Variants in LOC400499 observed in about 807,000 individuals in gnomAD.
the LOC400499 span, among the ~76,000 whole-genome samples, chr16:11,455,730 G>A: frequency 8.2e-5 from 9 of 110,010 alleles, no homozygotes; most frequent in African/African-American, 2.8e-4. Context: ...GTAAGACTCC[G>A]TCTCAAAAAA....
chr16:11,460,451 A>G, the LOC400499 span: 1 of 1,509,272 alleles, frequency 6.6e-7, no homozygotes, highest in African/African-American at 1.4e-5. Flanking sequence ...CTCTCTCCGG[A>G]TGTCGCACCT....
the LOC400499 span, among the ~76,000 whole-genome samples, chr16:11,391,056 G>A: frequency 1.3e-5 from 2 of 152,242 alleles, no homozygotes; most frequent in African/African-American, 2.4e-5. Context: ...AGCGCTGGGC[G>A]GAGTCCTGGC....
the LOC400499 span, among the ~76,000 whole-genome samples, chr16:11,382,769 C>T: frequency 6.6e-6 from 1 of 152,064 alleles, no homozygotes; most frequent in Non-Finnish European, 1.5e-5. Context: ...GAGATTGTGC[C>T]ACTGCACTCC....
At chr16:11,461,703 A>G in the LOC400499 span, among the ~76,000 whole-genome samples, 1 of 152,148 alleles carries the variant, frequency 6.6e-6, no homozygotes, top group South Asian at 2.1e-4. Flanking sequence ...CGGGGGGTCC[A>G]CAGCCACTGC....
the LOC400499 span, chr16:11,398,569 C>G: frequency 2.5e-6 from 3 of 1,204,950 alleles, no homozygotes; most frequent in South Asian, 4.2e-5. Flanking sequence ...CCATGGCCAG[C>G]TGCAGTTGGA....
At chr16:11,459,811 C>T in the LOC400499 span, 1 of 1,224,952 alleles carries the variant, frequency 8.2e-7, no homozygotes, top group Non-Finnish European at 1.0e-6. Context: ...GTAGCCAGGG[C>T]CAGAGGGCCA....
chr16:11,383,701 G>A, the LOC400499 span: 2 of 1,232,524 alleles, frequency 1.6e-6, no homozygotes, highest in East Asian at 3.2e-5. Context: ...GATGTAGGCG[G>A]CCGCCAGGTT....
At chr16:11,509,124 T>C in the LOC400499 span, among the ~76,000 whole-genome samples, 36 of 148,570 alleles carry the variant, frequency 2.4e-4, no homozygotes, top group African/African-American at 3.5e-4. Context: ...TTTTTTCTTT[T>C]TTTTTTTTTT....
chr16:11,415,778 G>A, the LOC400499 span, among the ~76,000 whole-genome samples: 2 of 152,090 alleles, frequency 1.3e-5, no homozygotes, highest in African/African-American at 4.8e-5. Context: ...CCTGGGTCGG[G>A]AACTAGAGCG....
At chr16:11,380,278 CATTTCTTGCATAATG>C in the LOC400499 span, among the ~76,000 whole-genome samples, 1 of 151,294 alleles carries the variant, frequency 6.6e-6, no homozygotes, top group Admixed American at 6.6e-5. Flanking sequence ...CTCCCTTTAG[CATTTCTTGCATAATG>C]AACTCTCTCA....
chr16:11,386,276 C>G, the LOC400499 span, among the ~76,000 whole-genome samples: 42 of 152,160 alleles, frequency 2.8e-4, no homozygotes, highest in African/African-American at 1.0e-3. Flanking sequence ...TTGCCCGTGG[C>G]CAGGAAGCAC....
the LOC400499 span, among the ~76,000 whole-genome samples, chr16:11,412,446 A>G: frequency 6.6e-6 from 1 of 152,142 alleles, no homozygotes; most frequent in African/African-American, 2.4e-5. Context: ...TACCCCTTCA[A>G]CAAGTGGCTT....
the LOC400499 span, among the ~76,000 whole-genome samples, chr16:11,500,161 T>C: frequency 6.6e-6 from 1 of 152,162 alleles, no homozygotes; most frequent in Non-Finnish European, 1.5e-5. Flanking sequence ...ACACAGCATT[T>C]CATTCCTCAC....
the LOC400499 span, among the ~76,000 whole-genome samples, chr16:11,505,161 A>AAC: frequency 6.6e-6 from 1 of 152,124 alleles, no homozygotes; most frequent in South Asian, 2.1e-4. Flanking sequence ...AAAAAAAAAA[A>AAC]AAGTCCTGAT....
chr16:11,450,714 C>G, the LOC400499 span: 1 of 1,536,186 alleles, frequency 6.5e-7, no homozygotes, highest in Non-Finnish European at 8.7e-7. Flanking sequence ...GGGTCCAGGC[C>G]TTGCCCAGCG....
At chr16:11,456,716 C>T in the LOC400499 span, 1 of 1,005,746 alleles carries the variant, frequency 9.9e-7, no homozygotes, top group South Asian at 1.5e-5. Context: ...GCGTGAGCCA[C>T]TGTGCCTGGC....
the LOC400499 span, among the ~76,000 whole-genome samples, chr16:11,510,495 G>A: frequency 1.3e-4 from 19 of 151,738 alleles, no homozygotes; most frequent in Admixed American, 9.2e-4. Flanking sequence ...CCCTCTTGGC[G>A]CCCCTGTCTA....
the LOC400499 span, among the ~76,000 whole-genome samples, chr16:11,407,524 T>A: frequency 1.3e-5 from 2 of 152,240 alleles, no homozygotes; most frequent in African/African-American, 4.8e-5. Context: ...AGCCTCAGGT[T>A]AGGCCATCAA....
chr16:11,458,717 T>C, the LOC400499 span, among the ~76,000 whole-genome samples: 4 of 152,064 alleles, frequency 2.6e-5, no homozygotes, highest in African/African-American at 9.7e-5. Context: ...ATGCATGTAA[T>C]GCCACCAAAC....
Sources: gnomAD v4.1 joint callset for allele counts (sites outside exome capture counted in the v4.1 genomes callset) on GRCh38, gnomAD v4.1.1 for gene constraint, MANE v1.5 for transcripts.